Variants in ITGA10 observed in about 807,000 individuals in gnomAD.
The protein encoded by ITGA10 is integrin alpha-10.
In ITGA10, 105 loss-of-function variants were observed where a neutral mutation model predicts 145.2. That is an observed-to-expected ratio of 0.72 (90% CI 0.62 to 0.85). ITGA10 has a LOEUF of 0.85. ITGA10 is among the 40% of genes least tolerant of loss of function. The probability of loss-of-function intolerance (pLI) is 0.00; values close to 1 mark genes in which losing one functional copy is unlikely to be tolerated. For synonymous variants in ITGA10, 506 were observed against 557.8 expected (o/e 0.91, Z 1.31); for missense variants, 1,317 against 1,444.5 (o/e 0.91, Z 1.43).
Position 145,892,757 on chromosome 1 carries a change from A to T in ITGA10, c.*41T>A. The T allele has an allele frequency of 6.7e-7, 1 of 1,481,882 alleles. No homozygotes were observed. The highest frequency in any genetic ancestry group is 1.7e-5 in the Admixed American group (1 of 59,174). 91.8% of individuals were successfully genotyped at this position (1,481,882 alleles called of 1,614,324 possible). On this transcript the variant is annotated 3_prime_UTR_variant, in exon 30 of 30. Transcript: ENST00000369304. ...CTCTGCTTTTATGCAAGTCTCTTGAAGAAGCTGCCAGGGAGGACTTTCTAG... is the reference window on the plus strand; with the variant it reads ...CTCTGCTTTTATGCAAGTCTCTTGATGAAGCTGCCAGGGAGGACTTTCTAG...
Position 145,892,667 on chromosome 1 carries a change from A to T in ITGA10, c.*131T>A. 1 of 680,330 alleles carries T rather than the reference A, an allele frequency of 1.5e-6. No individual in the cohort carries two copies. Among genetic ancestry groups the T allele is most frequent in the East Asian group, 2.6e-5 (1 of 38,894 alleles). The allele number at this position is 680,330 out of a possible 1,614,324, so 42.1% of individuals were successfully genotyped here. A position where few individuals can be genotyped will look rare whatever the true frequency, so the allele number is the denominator to read the frequency against. The stretch of plus-strand genomic sequence containing the variant: ...CAGCATCCCTAGGACTCAAAAGTCA[A>T]GTCAGGCTGCTGGTCTGGGGAGATA... On this transcript the variant is annotated 3_prime_UTR_variant, in exon 30 of 30. Transcript: ENST00000369304.
intron 15 of ITGA10, 113 bp downstream of exon 15, chr1:145,899,944 G>T (rs1656004345): frequency 3.8e-6 from 4 of 1,040,084 alleles, no homozygotes; most frequent in Admixed American, 5.3e-5. Flanking sequence ...ACTAAGAATG[G>T]AGGCACAGAG....
At chr1:145,907,861 C>G (rs967315712) in intron 1 of ITGA10, among the ~76,000 whole-genome samples, 23 of 149,876 alleles carry the variant, frequency 1.5e-4, no homozygotes, top group Admixed American at 6.0e-4. Flanking sequence ...GCTCCGCCCC[C>G]CTGGGTTCAC....
intron 17 of ITGA10, among the ~76,000 whole-genome samples, chr1:145,898,620 G>A (rs1322175456): frequency 2.6e-5 from 4 of 152,090 alleles, no homozygotes; most frequent in Middle Eastern, 3.4e-3. Flanking sequence ...CACCTGCCTC[G>A]GCCTCCCAAA....
At chr1:145,893,082 C>T in intron 29 of ITGA10, 79 bp downstream of exon 29, 2 of 1,158,608 alleles carry the variant, frequency 1.7e-6, no homozygotes, top group South Asian at 1.2e-5. Flanking sequence ...CAGCACAAAT[C>T]CTGTTCTCTC....
chr1:145,901,413 GCA>G lies in ITGA10; in HGVS notation c.1443+101_1443+102del. On this transcript the variant is annotated intron_variant, in intron 12 of 29. Coordinates refer to ENST00000369304, the MANE Select transcript of ITGA10 (RefSeq NM_003637.5). The surrounding 1 kb of genome is among the most constrained non-coding windows in gnomAD (Gnocchi z 4.3). The stretch of plus-strand genomic sequence containing the variant: ...GACAGACTCTGCCAACCAGAATTCC[GCA>G]CAGACTTTGGAGGCCTCTCTCTTAC... 2.0e-6 allele frequency: 3 copies of G among 1,480,380 alleles called. No homozygotes were observed. The South Asian group carries it at 3.9e-5, about 19-fold the overall frequency. The allele number at this position is 1,480,380 out of a possible 1,614,324, so 91.7% of individuals were successfully genotyped here. A position where few individuals can be genotyped will look rare whatever the true frequency, so the allele number is the denominator to read the frequency against.
intron 23 of ITGA10, 108 bp downstream of exon 23, chr1:145,896,661 A>G (rs1014347012): frequency 7.2e-5 from 65 of 904,252 alleles, no homozygotes; most frequent in Non-Finnish European, 7.8e-5. Flanking sequence ...GAGCAGCCGC[A>G]AGGGCTTGGG....
Position 145,906,413 on chromosome 1 carries a change from G to A in ITGA10, c.462C>T (p.Ser154=), listed in dbSNP as rs1553751003. ...GCTCACGTTGGGCAGTGGGTGCCAG[G>A]CTTCCCTGAGGCTGGAATGAAGCAT... The part of the protein sequence containing the change: ...RVDASFQPQG[S]LAPTAQRCPT... The change falls in exon 5 of 30, where the codon AGC becomes AGT. Residue 154 remains serine, a synonymous_variant. Transcript: ENST00000369304. The A allele has an allele frequency of 6.2e-7, 1 of 1,613,856 alleles. No individual in the cohort carries two copies. The highest frequency in any genetic ancestry group is 8.5e-7 in the Non-Finnish European group (1 of 1,179,836).
Position 145,896,332 on chromosome 1 carries a change from T to G in ITGA10, c.2855A>C (p.Tyr952Ser), listed in dbSNP as rs1570847802. The G allele has an allele frequency of 6.2e-7, 1 of 1,613,982 alleles. No homozygotes were observed. Among genetic ancestry groups the G allele is most frequent in the East Asian group, 2.2e-5 (1 of 44,882 alleles). Residue 952 changes from tyrosine to serine, a missense_variant, in exon 24 of 30, where the codon TAT (tyrosine) becomes TCT (serine). Tyr to Ser is a moderately radical substitution (Grantham distance 144). Transcript: ENST00000369304. ...LFSSESTLHR[Y>S]EVHPYGTLPV... is the part of the protein sequence containing the mutation. ...GAGGGTCCCATATGGGTGAACCTCA[T>G]AGCGGTGCAGGGTAGACTCACTGTG... is the stretch of plus-strand genomic sequence containing the variant.
Position 145,902,893 on chromosome 1 carries a change from T to C in ITGA10, c.827A>G (p.Asp276Gly). Residue 276 changes from aspartate (D) to glycine (G), a missense_variant, in exon 8 of 30, where the codon GAT (aspartate) becomes GGT (glycine). Transcript: ENST00000369304. ...CTCCTCTCCATCATGGGACTCTCCA[T>C]CAGTGACAACCACCAGTAGCCTGGC... ...EAARLLVVVTDGESHDGEELP... is the reference protein window; with the variant it reads ...EAARLLVVVTGGESHDGEELP... The C allele has an allele frequency of 1.2e-6, 2 of 1,613,938 alleles. No homozygotes were observed. Among genetic ancestry groups the C allele is most frequent in the Non-Finnish European group, 8.5e-7 (1 of 1,179,930 alleles).
At position 145,901,274 on chromosome 1, in the gene ITGA10, C is replaced by A; in HGVS notation, c.1448G>T (p.Gly483Val). 1 of 1,614,052 alleles carries A rather than the reference C, an allele frequency of 6.2e-7. No individual in the cohort carries two copies. Among genetic ancestry groups the A allele is most frequent in the South Asian group, 1.1e-5 (1 of 91,076 alleles). The stretch of plus-strand genomic sequence containing the variant: ...GCAGAGCTCACTGCCAAAGTATGAA[C>A]CAATCTGGGGAATGGTGGGTGATGA... ...VAQSLQGEQI[G>V]SYFGSELCPL... Residue 483 changes from glycine to valine, a missense_variant, in exon 13 of 30, where the codon GGT (glycine) becomes GTT (valine). Coordinates refer to ENST00000369304, the MANE Select transcript of ITGA10 (RefSeq NM_003637.5). This position sits in a 1 kb window ranked among gnomAD's most constrained non-coding sequence, Gnocchi z 4.3.
Position 145,900,989 on chromosome 1 carries a change from G to A in ITGA10, c.1592C>T (p.Ser531Phe). 1.2e-6 allele frequency: 2 copies of A among 1,614,096 alleles called. No individual in the cohort carries two copies. Among genetic ancestry groups the A allele is most frequent in the Non-Finnish European group, 1.7e-6 (2 of 1,180,014 alleles). Residue 531 changes from serine to phenylalanine, a missense_variant, in exon 14 of 30, where the codon TCC (serine) becomes TTC (phenylalanine). Ser to Phe is a radical substitution (Grantham distance 155, BLOSUM62 -2). Coordinates refer to ENST00000369304, the MANE Select transcript of ITGA10 (RefSeq NM_003637.5). ...RVYVYLVGQQ[S>F]LLTLQGTLQP... ...AAGTGTTCCTTGGAGGGTCAGCAAGGACTGCTGGTGGAGGAGAGAAGATAG... is the reference window on the plus strand; with the variant it reads ...AAGTGTTCCTTGGAGGGTCAGCAAGAACTGCTGGTGGAGGAGAGAAGATAG...
chr1:145,897,329 G>A lies in ITGA10; in HGVS notation c.2585C>T (p.Pro862Leu). 1.2e-6 allele frequency: 2 copies of A among 1,614,034 alleles called. No individual in the cohort carries two copies. Among genetic ancestry groups the A allele is most frequent in the Non-Finnish European group, 1.7e-6 (2 of 1,179,998 alleles). Reference sequence around the variant, plus strand: ...AGGGGCGGCACATTCCACCTTTATTGGGCTCTCTCTCTGAGGGCAGGGGAA... The same window carrying A: ...AGGGGCGGCACATTCCACCTTTATTAGGCTCTCTCTCTGAGGGCAGGGGAA... ...LASLTPQRES[P>L]IKVECAAPSA... Residue 862 changes from proline to leucine, a missense_variant, in exon 21 of 30, where the codon CCA becomes CTA. Physicochemically the swap from Pro to Leu is moderately conservative, Grantham distance 98. Coordinates refer to ENST00000369304, the MANE Select transcript of ITGA10 (RefSeq NM_003637.5).
In ITGA10 at chr1:145,897,053, G is replaced by A; in HGVS notation, c.2702C>T (p.Ser901Phe). 1 of 1,614,064 alleles carries A rather than the reference G, an allele frequency of 6.2e-7. No individual in the cohort carries two copies. The highest frequency in any genetic ancestry group is 8.5e-7 in the Non-Finnish European group (1 of 1,179,976). ...CACGAAGACCTGGCTCAGGAGAGAG[G>A]AGCAGCTAAACTCAAACTCTAGCAG... ...TFLLEFEFSCSSLLSQVFVKL... is the reference protein window; with the variant it reads ...TFLLEFEFSCFSLLSQVFVKL... Residue 901 changes from serine to phenylalanine, a missense_variant, in exon 22 of 30, where the codon TCC (serine) becomes TTC (phenylalanine). Coordinates refer to ENST00000369304, the MANE Select transcript of ITGA10 (RefSeq NM_003637.5).
Position 145,891,315 on chromosome 1 carries a change from C to T in ITGA10, c.*1483G>A, listed in dbSNP as rs1165326490. ...GTGGGCCTCTGCAGAAGGCCAGAGA[C>T]ATGCCAAAATAAATACTGTGGTCAG... On this transcript the variant is annotated 3_prime_UTR_variant, in exon 30 of 30. Coordinates refer to ENST00000369304, the MANE Select transcript of ITGA10 (RefSeq NM_003637.5). 2.0e-5 allele frequency: 3 copies of T among 152,604 alleles called. No homozygotes were observed. The highest frequency in any genetic ancestry group is 4.4e-5 in the Non-Finnish European group (3 of 68,034). The allele number at this position is 152,604 out of a possible 1,614,324, so 9.5% of individuals were successfully genotyped here.
intron 27 of ITGA10, among the ~76,000 whole-genome samples, chr1:145,894,496 A>T (rs1655119162): frequency 6.6e-6 from 1 of 152,236 alleles, no homozygotes; most frequent in Non-Finnish European, 1.5e-5. Flanking sequence ...GACTTGGAGA[A>T]GGGTGGTTTA....
chr1:145,901,424 G>T lies in ITGA10; in HGVS notation c.1443+92C>A. ...CCAACCAGAATTCCGCACAGACTTT[G>T]GAGGCCTCTCTCTTACCCACTTCAC... On this transcript the variant is annotated intron_variant, in intron 12 of 29. Coordinates refer to ENST00000369304, the MANE Select transcript of ITGA10 (RefSeq NM_003637.5). The surrounding 1 kb of genome is among the most constrained non-coding windows in gnomAD (Gnocchi z 4.3). 1 of 1,480,256 alleles carries T rather than the reference G, an allele frequency of 6.8e-7. No homozygotes were observed. Among genetic ancestry groups the T allele is most frequent in the South Asian group, 1.3e-5 (1 of 75,670 alleles). The allele number at this position is 1,480,256 out of a possible 1,614,324, so 91.7% of individuals were successfully genotyped here.
chr1:145,901,156 A>C lies in ITGA10; in HGVS notation c.1566T>G (p.Val522=), dbSNP rs587610167. ...TCACCTGGCCTACCAGATACACATA[A>C]ACACGTCCTGTTTCCTTGTTCTGGG... The part of the protein sequence containing the change: ...LGPQNKETGR[V]YVYLVGQQSL... The change falls in exon 13 of 30, where the codon GTT becomes GTG. Residue 522 remains valine, a synonymous_variant. Transcript: ENST00000369304. The surrounding 1 kb of genome is among the most constrained non-coding windows in gnomAD (Gnocchi z 4.3). 6.2e-7 allele frequency: 1 copy of C among 1,614,074 alleles called. No homozygotes were observed. Among genetic ancestry groups the C allele is most frequent in the Non-Finnish European group, 8.5e-7 (1 of 1,179,998 alleles).
chr1:145,903,720 C>T (rs1484034364), intron 7 of ITGA10, among the ~76,000 whole-genome samples: 1 of 150,112 alleles, frequency 6.7e-6, no homozygotes, highest in Non-Finnish European at 1.5e-5. Flanking sequence ...GAGTTTTGCT[C>T]TCGTTGCCCA....
Sources: allele counts gnomAD v4.1 joint callset (sites outside exome capture counted in the v4.1 genomes callset), GRCh38; gene constraint gnomAD v4.1.1; non-coding constraint Gnocchi (gnomAD v3.1); transcripts MANE v1.5; gene names NCBI Gene and HGNC (gene_info 2026-07-23, HGNC 2026-07-21).